The following GSN variants were observed in gnomAD, a reference collection of about 807,000 sequenced individuals.
The protein encoded by GSN is gelsolin, also known as actin-depolymerizing factor.
Under a neutral mutation model 85.7 loss-of-function variants are expected in GSN, and 56 were observed. The ratio of observed to expected loss-of-function variants is 0.65; its 90% confidence interval spans 0.53 to 0.82. The LOEUF (loss-of-function observed/expected upper bound fraction) is 0.82. GSN is among the 40% of genes least tolerant of loss of function. The pLI, the probability that GSN is intolerant of heterozygous loss-of-function variation, is 0.00. For synonymous variants in GSN, 373 were observed against 399.1 expected (o/e 0.93, Z 0.78); for missense variants, 857 against 979.8 (o/e 0.87, Z 1.67).
intron 5 of GSN, among the ~76,000 whole-genome samples, chr9:121,231,980 T>C (rs2054398302): frequency 6.6e-6 from 1 of 152,058 alleles, no homozygotes; most frequent in Non-Finnish European, 1.5e-5. Context: ...GGCAGGAGAA[T>C]TGCCTGAACC....
At chr9:121,233,210 A>G (rs1045039583) in intron 5 of GSN, among the ~76,000 whole-genome samples, 2 of 152,176 alleles carry the variant, frequency 1.3e-5, no homozygotes, top group Admixed American at 6.5e-5. Flanking sequence ...TCATGCCTGT[A>G]ATCCCAATAC....
chr9:121,329,108 A>C lies in GSN; in HGVS notation c.1887+93A>C. The C allele has an allele frequency of 6.4e-7, 1 of 1,555,992 alleles. No individual in the cohort carries two copies. On this transcript the variant is annotated intron_variant, in intron 15 of 17. Coordinates refer to ENST00000432226, the MANE Select transcript of GSN (RefSeq NM_198252.3). This position sits in a 1 kb window ranked among gnomAD's most constrained non-coding sequence, Gnocchi z 4.6. ...AGCAGGGGCAGGAGAAACAGTTCTG[A>C]TGGTGTGGCACAGAGGAAGGGGCCC...
intron 4 of GSN, among the ~76,000 whole-genome samples, chr9:121,219,797 G>C (rs1008858061): frequency 2.6e-5 from 4 of 152,066 alleles, no homozygotes; most frequent in African/African-American, 9.7e-5. Flanking sequence ...CTTGGTTAAA[G>C]AAACTCATGT....
At chr9:121,295,619 AT>A (rs1210080178) in intron 2 of GSN, among the ~76,000 whole-genome samples, 2 of 152,172 alleles carry the variant, frequency 1.3e-5, no homozygotes, top group Non-Finnish European at 2.9e-5. Flanking sequence ...TCCCGCAGAC[AT>A]ACAGAGACCA....
intron 4 of GSN, among the ~76,000 whole-genome samples, chr9:121,217,853 A>G (rs1369656031): frequency 5.3e-5 from 8 of 150,006 alleles, no homozygotes; most frequent in African/African-American, 1.9e-4. Flanking sequence ...CAAACAAAAC[A>G]AGCCCTCCTT....
chr9:121,299,770 TC>T lies in GSN; in HGVS notation c.-9-2189del. On this transcript the variant is annotated intron_variant, in intron 2 of 17. Transcript: ENST00000432226. This position sits in a 1 kb window ranked among gnomAD's most constrained non-coding sequence, Gnocchi z 4.2. ...GCCCCGCGCCCTCCCTGGGGGGCGGTCCCCGGCTTGGGCGGGATGGGCGGGC... is the reference window on the plus strand; with the variant it reads ...GCCCCGCGCCCTCCCTGGGGGGCGGTCCCGGCTTGGGCGGGATGGGCGGGC... The T allele has an allele frequency of 3.3e-6, 4 of 1,204,018 alleles. No homozygotes were observed. Among genetic ancestry groups the T allele is most frequent in the South Asian group, 2.3e-5 (1 of 43,292 alleles). The allele number at this position is 1,204,018 out of a possible 1,614,324, so 74.6% of individuals were successfully genotyped here.
chr9:121,310,766 G>T lies in GSN; in HGVS notation c.434G>T (p.Arg145Leu), dbSNP rs141314418. 8 of 1,613,982 alleles carry T rather than the reference G, an allele frequency of 5.0e-6. No homozygotes were observed. The highest frequency in any genetic ancestry group is 1.3e-5 in the African/African-American group (1 of 74,920). Residue 145 changes from arginine to leucine, a missense_variant, in exon 5 of 18, where the codon CGT becomes CTT. Physicochemically the swap from Arg to Leu is moderately radical, Grantham distance 102. Transcript: ENST00000432226. ...AGACTCTTCCAGGTCAAAGGGCGGC[G>T]TGTGGTCCGTGCCACCGAGGTACCT... ...VQRLFQVKGR[R>L]VVRATEVPVS...
upstream of GSN, among the ~76,000 whole-genome samples, chr9:121,203,896 G>A (rs1042913330): frequency 2.0e-5 from 3 of 152,136 alleles, no homozygotes; most frequent in South Asian, 6.2e-4. Context: ...AAATCCTTTT[G>A]CAACCCTAGA....
At chr9:121,217,014 C>G (rs2054076175) in intron 4 of GSN, among the ~76,000 whole-genome samples, 1 of 152,134 alleles carries the variant, frequency 6.6e-6, no homozygotes, top group South Asian at 2.1e-4. Context: ...TTGTCTTCCA[C>G]TTTATTTAGA....
chr9:121,213,171 A>T lies in GSN; in HGVS notation c.-528+2304A>T, dbSNP rs551617930. Among the ~76,000 whole-genome samples the T allele has an allele frequency of 8.7e-4, 133 of 152,354 alleles. 1 individual carries two copies. Among genetic ancestry groups the T allele is most frequent in the Non-Finnish European group, 2.9e-5 (2 of 68,026 alleles). On this transcript the variant is annotated intron_variant, in intron 4 of 24. Coordinates refer to the GSN transcript ENST00000373823. ...CTAAGTATCTACAAGTTATAAAATC[A>T]GAAACAAAATATAATTAGTCTCATC... is the stretch of plus-strand genomic sequence containing the variant.
chr9:121,257,757 G>C (rs1033498959), intron 6 of GSN, among the ~76,000 whole-genome samples: 1 of 152,222 alleles, frequency 6.6e-6, no homozygotes, highest in Admixed American at 6.5e-5. Context: ...TGTAATCTCA[G>C]CTACTCAGGA....
At chr9:121,312,218 C>T in intron 5 of GSN, 121 bp from the exon 6 acceptor site, 1 of 1,030,464 alleles carries the variant, frequency 9.7e-7, no homozygotes, top group Non-Finnish European at 1.5e-6. Context: ...TGCCAGCCTT[C>T]ACCTGGGCAA....
chr9:121,280,481 G>A (rs2057228335), intron 1 of GSN: 1 of 152,220 alleles, frequency 6.6e-6, no homozygotes. Context: ...TGATAATGCA[G>A]TCTTGCTCAG....
chr9:121,242,520 C>CA (rs2054624588), intron 5 of GSN, among the ~76,000 whole-genome samples: 1 of 152,154 alleles, frequency 6.6e-6, no homozygotes, highest in Non-Finnish European at 1.5e-5. Flanking sequence ...CTGGAGACCA[C>CA]AGTGGATGGT....
chr9:121,314,122 G>T, intron 7 of GSN, 99 bp downstream of exon 7: 2 of 954,242 alleles, frequency 2.1e-6, no homozygotes, highest in Non-Finnish European at 3.4e-6. Flanking sequence ...CTTGAGCAAA[G>T]CACCCCTTTG....
chr9:121,260,319 C>T (rs189108736), intron 6 of GSN, among the ~76,000 whole-genome samples: 185 of 152,338 alleles, frequency 1.2e-3, no homozygotes, highest in African/African-American at 4.2e-3. Flanking sequence ...ATCGGGGAAA[C>T]GTGCTTCTTG....
chr9:121,241,518 G>C (rs767022133), intron 5 of GSN, among the ~76,000 whole-genome samples: 3 of 152,008 alleles, frequency 2.0e-5, no homozygotes, highest in Admixed American at 6.5e-5. Context: ...TAACCTCTTC[G>C]GGCCTTAGTT....
intron 5 of GSN, among the ~76,000 whole-genome samples, chr9:121,244,448 A>T (rs965240552): frequency 1.3e-5 from 2 of 152,244 alleles, no homozygotes; most frequent in African/African-American, 4.8e-5. Context: ...ACCATTTTGC[A>T]TTCCCACTAG....
intron 3 of GSN, 87 bp downstream of exon 3, chr9:121,302,254 A>T (rs1208007345): frequency 7.1e-7 from 1 of 1,410,040 alleles, no homozygotes; most frequent in African/African-American, 1.4e-5. Flanking sequence ...GAGGGAACTG[A>T]TTATTGAGCA....
Sources: allele counts gnomAD v4.1 joint callset (sites outside exome capture counted in the v4.1 genomes callset), GRCh38; gene constraint gnomAD v4.1.1; non-coding constraint Gnocchi (gnomAD v3.1); transcripts MANE v1.5; gene names NCBI Gene and HGNC (gene_info 2026-07-23, HGNC 2026-07-21).